Variants in TNS3 observed in about 807,000 individuals in gnomAD.
TNS3 encodes the protein tensin 3.
TNS3 carries 45 observed loss-of-function variants against 140.9 expected under a neutral mutation model. That is an observed-to-expected ratio of 0.32 (90% CI 0.25 to 0.41). The LOEUF (loss-of-function observed/expected upper bound fraction) is 0.41, where lower values mean the gene tolerates loss of function less well. TNS3 is among the 10% of genes least tolerant of loss of function. TNS3 has a pLI of 1.00. For synonymous variants in TNS3, 815 were observed against 788.4 expected (o/e 1.03, Z -0.56); for missense variants, 1,716 against 1,906.7 (o/e 0.90, Z 1.86).
intron 1 of TNS3, among the ~76,000 whole-genome samples, chr7:47,570,354 A>G (rs1165329959): frequency 2.0e-5 from 3 of 152,236 alleles, no homozygotes; most frequent in Non-Finnish European, 4.4e-5. Context: ...ACAGCTCCGT[A>G]GGTGCAACTC....
chr7:47,370,193 T>C (rs1243666360), intron 16 of TNS3, among the ~76,000 whole-genome samples: 1 of 152,110 alleles, frequency 6.6e-6, no homozygotes, highest in Non-Finnish European at 1.5e-5. Flanking sequence ...GGAGAATCAC[T>C]TGAACCTGGG....
At chr7:47,330,633 G>A (rs187430424) in intron 20 of TNS3, among the ~76,000 whole-genome samples, 10 of 152,154 alleles carry the variant, frequency 6.6e-5, no homozygotes, top group African/African-American at 2.4e-4. Context: ...GGGAGAGGAG[G>A]AACAGAGGGA....
intron 4 of TNS3, among the ~76,000 whole-genome samples, chr7:47,477,193 C>T (rs1797228663): frequency 6.6e-6 from 1 of 152,150 alleles, no homozygotes; most frequent in East Asian, 1.9e-4. Flanking sequence ...TTCTTTCTGC[C>T]CTACCAGGGA....
chr7:47,565,163 C>T (rs1447586699), intron 1 of TNS3, among the ~76,000 whole-genome samples: 15 of 151,794 alleles, frequency 9.9e-5, no homozygotes, highest in Non-Finnish European at 2.1e-4. Flanking sequence ...CTGCAAGCTC[C>T]GCCTCCTGGG....
chr7:47,291,165 T>C (rs1443239957), intron 27 of TNS3, among the ~76,000 whole-genome samples: 1 of 152,038 alleles, frequency 6.6e-6, no homozygotes, highest in Non-Finnish European at 1.5e-5. Context: ...AGTGGTTGCT[T>C]GGGGTTGGTG....
chr7:47,352,254 C>T (rs1190496408), intron 17 of TNS3, among the ~76,000 whole-genome samples: 2 of 152,210 alleles, frequency 1.3e-5, no homozygotes, highest in African/African-American at 4.8e-5. Flanking sequence ...GGCACTCACA[C>T]ACGTGCAGTC....
At chr7:47,470,338 A>G (rs1227782822) in intron 4 of TNS3, 1 of 629,864 alleles carries the variant, frequency 1.6e-6, no homozygotes, top group African/African-American at 2.0e-5. Context: ...ATAAAAGCTG[A>G]AGTTTTTAAA....
At chr7:47,401,214 G>C (rs550239511) in intron 13 of TNS3, among the ~76,000 whole-genome samples, 3 of 152,230 alleles carry the variant, frequency 2.0e-5, no homozygotes, top group African/African-American at 7.2e-5. Context: ...AGTCCTCAGA[G>C]AGGCCACACC....
intron 20 of TNS3, among the ~76,000 whole-genome samples, chr7:47,331,959 G>A (rs1344247163): frequency 6.6e-6 from 1 of 152,186 alleles, no homozygotes; most frequent in Non-Finnish European, 1.5e-5. Context: ...GCCCTCAAAG[G>A]CTCTGATGGG....
chr7:47,355,411 C>G (rs1482267004), intron 17 of TNS3, among the ~76,000 whole-genome samples: 1 of 152,122 alleles, frequency 6.6e-6, no homozygotes, highest in Non-Finnish European at 1.5e-5. Context: ...AAAGCCAGTC[C>G]TTGACTGGGG....
intron 2 of TNS3, among the ~76,000 whole-genome samples, chr7:47,517,698 A>G (rs1289866018): frequency 6.6e-6 from 1 of 152,208 alleles, no homozygotes; most frequent in Admixed American, 6.5e-5. Context: ...TGTACACTGC[A>G]GTGCAAGAGG....
At chr7:47,480,660 A>C (rs532934504) in intron 4 of TNS3, among the ~76,000 whole-genome samples, 1 of 151,846 alleles carries the variant, frequency 6.6e-6, no homozygotes, top group Non-Finnish European at 1.5e-5. Context: ...ATCTGATTTG[A>C]ACACACACAC....
chr7:47,395,269 T>C (rs1038362460), intron 16 of TNS3, among the ~76,000 whole-genome samples: 1 of 152,160 alleles, frequency 6.6e-6, no homozygotes, highest in Non-Finnish European at 1.5e-5. Flanking sequence ...TAAAATCCAC[T>C]CGCCTCAGCC....
rs541987899 is a variant in TNS3 at position 47,567,030 on chromosome 7, CA to C, written c.-265+15020del. On this transcript the variant is annotated intron_variant, in intron 1 of 30. Coordinates refer to ENST00000311160, the MANE Select transcript of TNS3 (RefSeq NM_022748.12). The stretch of plus-strand genomic sequence containing the variant: ...TGGGCTACAAAGCCGGACTCCATCT[CA>C]AAAAAAAAAAAAAAAAAAAAAAGAC... Among the ~76,000 whole-genome samples the C allele has an allele frequency of 5.2e-3, 512 of 98,664 alleles. 1 individual carries two copies. The highest frequency in any genetic ancestry group is 0.023 in the East Asian group (86 of 3,676). The allele number at this position is 98,664 out of a possible 152,430, so 64.7% of individuals were successfully genotyped here.
chr7:47,513,041 GA>G (rs1230910862), intron 2 of TNS3, among the ~76,000 whole-genome samples: 4 of 152,168 alleles, frequency 2.6e-5, no homozygotes, highest in Non-Finnish European at 5.9e-5. Context: ...GACCTTTTCT[GA>G]GGACAAATGT....
At chr7:47,556,471 G>A (rs759620680) in intron 1 of TNS3, among the ~76,000 whole-genome samples, 1 of 152,146 alleles carries the variant, frequency 6.6e-6, no homozygotes, top group African/African-American at 2.4e-5. Context: ...AGGAGCCTCC[G>A]GCCTGAGTCT....
intron 3 of TNS3, among the ~76,000 whole-genome samples, chr7:47,505,083 T>C (rs1798365671): frequency 1.3e-5 from 2 of 152,068 alleles, no homozygotes; most frequent in Admixed American, 1.3e-4. Context: ...GGCTCAGAGG[T>C]GGCTGGGCCC....
chr7:47,565,082 A>T (rs112080424), intron 1 of TNS3, among the ~76,000 whole-genome samples: 28,669 of 138,718 alleles, frequency 0.21, 2,821 homozygotes, highest in Middle Eastern at 0.32. Flanking sequence ...TTTTATTTCT[A>T]TTTTTTTTTT....
chr7:47,277,943 G>T lies in TNS3; in HGVS notation c.*133C>A. On this transcript the variant is annotated 3_prime_UTR_variant, in exon 31 of 31. Coordinates refer to ENST00000311160, the MANE Select transcript of TNS3 (RefSeq NM_022748.12). Reference sequence around the variant, plus strand: ...TGTTCTTGTTTTTGCAGAGCTGGAAGATCCTCTTTCCCCTCATGGGCCTGG... The same window carrying T: ...TGTTCTTGTTTTTGCAGAGCTGGAATATCCTCTTTCCCCTCATGGGCCTGG... The T allele has an allele frequency of 9.9e-7, 1 of 1,008,294 alleles. No individual in the cohort carries two copies. Among genetic ancestry groups the T allele is most frequent in the Non-Finnish European group, 1.5e-6 (1 of 650,596 alleles). The allele number at this position is 1,008,294 out of a possible 1,614,324, so 62.5% of individuals were successfully genotyped here.
Sources: allele counts gnomAD v4.1 joint callset (sites outside exome capture counted in the v4.1 genomes callset), GRCh38; gene constraint gnomAD v4.1.1; transcripts MANE v1.5; gene names NCBI Gene and HGNC (gene_info 2026-07-23, HGNC 2026-07-21).